The following IQGAP1 variants were observed in gnomAD, a reference collection of about 807,000 sequenced individuals.
IQGAP1 encodes the protein IQ motif containing GTPase activating protein 1.
Under a neutral mutation model 215.6 loss-of-function variants are expected in IQGAP1, and 66 were observed. That is an observed-to-expected ratio of 0.31 (90% CI 0.25 to 0.38). The LOEUF (loss-of-function observed/expected upper bound fraction) is 0.38, where lower values mean the gene tolerates loss of function less well. Among genes scored for constraint, IQGAP1 ranks in the 10% least tolerant of loss-of-function variants. The pLI is 1.00. For missense variants in IQGAP1, 1,712 were observed against 1,997.1 expected (o/e 0.86, Z 2.72); for synonymous variants, 772 against 728.7 (o/e 1.06, Z -0.96).
chr15:90,433,828 T>G, intron 5 of IQGAP1, 33 bp downstream of exon 5: 1 of 1,273,876 alleles, frequency 7.9e-7, no homozygotes, highest in Non-Finnish European at 1.1e-6. Context: ...ATAAGGAAAT[T>G]ATGAATAACA....
intron 9 of IQGAP1, among the ~76,000 whole-genome samples, chr15:90,448,041 A>G (rs374065016): frequency 9.0e-4 from 137 of 152,302 alleles, no homozygotes; most frequent in African/African-American, 3.1e-3. Flanking sequence ...GCTATGTAAG[A>G]CATGGTTAAA....
intron 30 of IQGAP1, 70 bp from the exon 31 acceptor site, chr15:90,485,960 T>C (rs1966120448): frequency 8.6e-7 from 1 of 1,157,728 alleles, no homozygotes; most frequent in Non-Finnish European, 1.3e-6. Context: ...CAGATCATTG[T>C]TAGACATTCT....
At chr15:90,426,859 A>G (rs1221093426) in intron 3 of IQGAP1, among the ~76,000 whole-genome samples, 2 of 151,190 alleles carry the variant, frequency 1.3e-5, no homozygotes, top group Admixed American at 6.6e-5. Context: ...AGGCTGAGGC[A>G]GGAGAATCGC....
At chr15:90,394,135 CAAA>C (rs56810085) in intron 2 of IQGAP1, among the ~76,000 whole-genome samples, 25,715 of 73,360 alleles carry the variant, frequency 0.35, 3,106 homozygotes, top group African/African-American at 0.5. Context: ...AACTCTGTCT[CAAA>C]AAAAAAAAAA....
chr15:90,419,476 G>A (rs1965103107), intron 2 of IQGAP1, among the ~76,000 whole-genome samples: 1 of 152,032 alleles, frequency 6.6e-6, no homozygotes, highest in African/African-American at 2.4e-5. Context: ...AGTGAGATTT[G>A]CTAAAGCAGT....
At chr15:90,420,132 G>A (rs1194133237) in intron 2 of IQGAP1, among the ~76,000 whole-genome samples, 1 of 152,208 alleles carries the variant, frequency 6.6e-6, no homozygotes, top group African/African-American at 2.4e-5. Flanking sequence ...GACTCATCAT[G>A]AGGGGATAGG....
intron 10 of IQGAP1, among the ~76,000 whole-genome samples, chr15:90,449,005 C>G (rs558351437): frequency 1.3e-5 from 2 of 152,288 alleles, no homozygotes; most frequent in South Asian, 2.1e-4. Flanking sequence ...AGCTGTCTCT[C>G]TCTCCAACTA....
chr15:90,436,394 G>C lies in IQGAP1; in HGVS notation c.467+2599G>C, dbSNP rs538997491. Among the ~76,000 whole-genome samples the C allele has an allele frequency of 9.9e-5, 15 of 152,208 alleles. No individual in the cohort carries two copies. The South Asian group carries it at 2.1e-3, about 21-fold the overall frequency. On this transcript the variant is annotated intron_variant, in intron 5 of 37. Coordinates refer to ENST00000268182, the MANE Select transcript of IQGAP1 (RefSeq NM_003870.4). ...GAAATTCAATATTCAGACATATCTG[G>C]CTCCAAGAATTTGGATAAGGGACTG... is the stretch of plus-strand genomic sequence containing the variant.
At chr15:90,411,133 T>C (rs1257520563) in intron 2 of IQGAP1, among the ~76,000 whole-genome samples, 1 of 152,202 alleles carries the variant, frequency 6.6e-6, no homozygotes, top group East Asian at 1.9e-4. Context: ...AGCATTCCTC[T>C]GGGAAACTCA....
rs776379118 is a variant in IQGAP1 at position 90,454,434 on chromosome 15, C to T, written c.1494C>T (p.Leu498=). 1.4e-5 allele frequency: 22 copies of T among 1,613,274 alleles called. No homozygotes were observed. Among genetic ancestry groups the T allele is most frequent in the South Asian group, 4.4e-5 (4 of 91,044 alleles). Residue 498 remains leucine (L), a synonymous_variant, in exon 14 of 38, where the codon CTC becomes CTT. Coordinates refer to ENST00000268182, the MANE Select transcript of IQGAP1 (RefSeq NM_003870.4). ...NIEEENCQRY[L]DELMKLKAQA... ...ACTTGGGGGTCTGGGGCAGGTATCT[C>T]GATGAGTTGATGAAACTGAAGGCTC...
intron 22 of IQGAP1, 119 bp from the exon 23 acceptor site, chr15:90,474,366 T>A (rs1277330579): frequency 1.1e-6 from 1 of 877,196 alleles, no homozygotes; most frequent in Non-Finnish European, 1.9e-6. Context: ...CTGATAGTTG[T>A]CTTAGCACAT....
At chr15:90,425,750 G>T (rs556312724) in intron 2 of IQGAP1, among the ~76,000 whole-genome samples, 1 of 152,208 alleles carries the variant, frequency 6.6e-6, no homozygotes, top group Non-Finnish European at 1.5e-5. Flanking sequence ...TGAAATGGTG[G>T]CTTCAGTTAC....
chr15:90,407,159 G>T (rs1171225708), intron 2 of IQGAP1, among the ~76,000 whole-genome samples: 3 of 152,204 alleles, frequency 2.0e-5, no homozygotes, highest in Non-Finnish European at 4.4e-5. Context: ...CAATCAGTGG[G>T]TGTTGGTTGT....
chr15:90,475,468 A>G (rs1414608258), intron 23 of IQGAP1, among the ~76,000 whole-genome samples: 2 of 151,616 alleles, frequency 1.3e-5, no homozygotes, highest in Admixed American at 1.3e-4. Flanking sequence ...TATGTAAGAC[A>G]GGTCAGGCAT....
chr15:90,418,444 C>T (rs1965084543), intron 2 of IQGAP1, among the ~76,000 whole-genome samples: 1 of 151,644 alleles, frequency 6.6e-6, no homozygotes, highest in South Asian at 2.1e-4. Context: ...AAAAATTAGC[C>T]TCGTGTGGTG....
rs148999384 is a variant in IQGAP1 at position 90,450,999 on chromosome 15, C to T, written c.1162+1356C>T. ...AGTCCTGTTTGTCTATTTTTGCTTT[C>T]GTTGCTTATGCTTTTAAGGTCTTAG... is the stretch of plus-strand genomic sequence containing the variant. On this transcript the variant is annotated intron_variant, in intron 11 of 37. Coordinates refer to ENST00000268182, the MANE Select transcript of IQGAP1 (RefSeq NM_003870.4). Among the ~76,000 whole-genome samples the T allele has an allele frequency of 1.3e-3, 197 of 152,046 alleles. 1 individual carries two copies. The highest frequency in any genetic ancestry group is 4.6e-3 in the African/African-American group (190 of 41,498).
intron 9 of IQGAP1, among the ~76,000 whole-genome samples, chr15:90,448,170 G>A (rs1011396687): frequency 2.0e-5 from 3 of 152,220 alleles, no homozygotes; most frequent in Admixed American, 6.5e-5. Flanking sequence ...GTCCAAAGAT[G>A]TAGTAAGTGG....
chr15:90,418,889 G>A (rs1965092052), intron 2 of IQGAP1, among the ~76,000 whole-genome samples: 1 of 151,738 alleles, frequency 6.6e-6, no homozygotes, highest in South Asian at 2.1e-4. Flanking sequence ...GCTCACGCCT[G>A]TAATCCCAGC....
intron 18 of IQGAP1, 108 bp downstream of exon 18, chr15:90,467,700 G>T: frequency 8.5e-7 from 1 of 1,182,236 alleles, no homozygotes; most frequent in Non-Finnish European, 1.2e-6. Flanking sequence ...GACTAAAATT[G>T]AGGTTATGTA....
Sources: gnomAD v4.1 joint callset for allele counts (sites outside exome capture counted in the v4.1 genomes callset) on GRCh38, gnomAD v4.1.1 for gene constraint, MANE v1.5 for transcripts, NCBI Gene and HGNC (gene_info 2026-07-23, HGNC 2026-07-21) for gene names.